Variants in TEX29 observed in about 807,000 individuals in gnomAD.
TEX29 encodes the protein testis-expressed protein 29.
TEX29 carries 26 observed loss-of-function variants against 18.2 expected under a neutral mutation model. The ratio of observed to expected loss-of-function variants is 1.43; its 90% CI spans 1.04 to 1.98. The LOEUF (loss-of-function observed/expected upper bound fraction) is 1.98. Among genes scored for constraint, TEX29 ranks in the 30% most tolerant of loss-of-function variants. The pLI, the probability that TEX29 is intolerant of heterozygous loss-of-function variation, is 0.00. For synonymous variants in TEX29, 83 were observed against 78.5 expected (o/e 1.06, Z -0.31); for missense variants, 177 against 194.2 (o/e 0.91, Z 0.53).
chr13:111,331,202 C>T (rs72655804), intron 3 of TEX29, among the ~76,000 whole-genome samples: 20,721 of 152,206 alleles, frequency 0.14, 1,826 homozygotes, highest in Middle Eastern at 0.23. Context: ...CACATTCTTG[C>T]CAACACTTGT....
intron 2 of TEX29, among the ~76,000 whole-genome samples, chr13:111,322,597 A>G (rs1335517812): frequency 6.6e-6 from 1 of 152,106 alleles, no homozygotes; most frequent in Non-Finnish European, 1.5e-5. Context: ...CACCCAAGGC[A>G]CTGCCCAAGC....
In TEX29 at chr13:111,344,130, C is replaced by T. The variant is rs112999083; in HGVS notation, c.*7C>T. On this transcript the variant is annotated 3_prime_UTR_variant, in exon 6 of 6. Transcript: ENST00000283547. Reference sequence around the variant, plus strand: ...CGAAGAAACTGAGGACTGACTGAGACGCATGAAGAAGTGGAGATTGTCAGA... The same window carrying T: ...CGAAGAAACTGAGGACTGACTGAGATGCATGAAGAAGTGGAGATTGTCAGA... The T allele has an allele frequency of 1.8e-4, 295 of 1,611,280 alleles. No individual in the cohort carries two copies. Among genetic ancestry groups the T allele is most frequent in the African/African-American group, 1.4e-3 (107 of 74,920 alleles).
intron 3 of TEX29, among the ~76,000 whole-genome samples, chr13:111,331,831 G>T (rs568644362): frequency 6.6e-6 from 1 of 152,238 alleles, no homozygotes; most frequent in South Asian, 2.1e-4. Flanking sequence ...CCCTGATTAA[G>T]TTGACACCCT....
chr13:111,339,823 TAC>T (rs1470834478), intron 3 of TEX29, 38 bp from the exon 4 acceptor site: 2 of 1,603,318 alleles, frequency 1.2e-6, no homozygotes, highest in East Asian at 4.5e-5. Context: ...CTTTTCTATT[TAC>T]CTGGATCGAA....
intron 2 of TEX29, among the ~76,000 whole-genome samples, chr13:111,326,908 C>A (rs1276530283): frequency 6.6e-6 from 1 of 152,166 alleles, no homozygotes; most frequent in Non-Finnish European, 1.5e-5. Flanking sequence ...GGGAGCAAAG[C>A]CCTCCTAGTC....
chr13:111,332,981 A>AT (rs1476219933), intron 3 of TEX29, among the ~76,000 whole-genome samples: 1 of 152,160 alleles, frequency 6.6e-6, no homozygotes, highest in Non-Finnish European at 1.5e-5. Flanking sequence ...TTACCCTTCA[A>AT]TTTTGAAGCA....
At chr13:111,319,111 C>T (rs1405289837), upstream of TEX29, among the ~76,000 whole-genome samples, 5 of 152,264 alleles carry the variant, frequency 3.3e-5, no homozygotes, top group South Asian at 2.1e-4. Context: ...TCCAAGGCCT[C>T]GCCTCCTAAT....
chr13:111,317,659 A>G (rs1423712097), upstream of TEX29, among the ~76,000 whole-genome samples: 1 of 152,238 alleles, frequency 6.6e-6, no homozygotes, highest in Non-Finnish European at 1.5e-5. Context: ...GGCTGCTTTC[A>G]CACAGCAGCA....
chr13:111,327,866 A>G (rs2093676574), intron 2 of TEX29, among the ~76,000 whole-genome samples: 2 of 152,222 alleles, frequency 1.3e-5, no homozygotes, highest in South Asian at 4.1e-4. Context: ...CCAAGCAGCC[A>G]TTGTGTGAGC....
At chr13:111,335,389 A>T (rs1291532778) in intron 3 of TEX29, among the ~76,000 whole-genome samples, 1 of 152,206 alleles carries the variant, frequency 6.6e-6, no homozygotes. Context: ...ACGGCCTCTC[A>T]TATGGCTTCA....
chr13:111,341,819 C>A (rs2093696914), intron 4 of TEX29, among the ~76,000 whole-genome samples: 2 of 152,258 alleles, frequency 1.3e-5, no homozygotes, highest in Admixed American at 1.3e-4. Flanking sequence ...TCTGCTCAGC[C>A]TTTTCAGCCC....
At chr13:111,324,884 G>T (rs774223760) in intron 2 of TEX29, among the ~76,000 whole-genome samples, 5 of 152,170 alleles carry the variant, frequency 3.3e-5, no homozygotes, top group African/African-American at 1.2e-4. Context: ...ATAACGGAAC[G>T]TTTACCACCG....
intron 3 of TEX29, chr13:111,339,293 G>C: frequency 2.2e-6 from 1 of 454,948 alleles, no homozygotes; most frequent in Non-Finnish European, 4.4e-6. Context: ...CTTGTATTCA[G>C]TTTAGGGGAG....
At chr13:111,336,344 C>G (rs1361714255) in intron 3 of TEX29, among the ~76,000 whole-genome samples, 1 of 152,206 alleles carries the variant, frequency 6.6e-6, no homozygotes, top group East Asian at 1.9e-4. Flanking sequence ...ACGAATGAAC[C>G]TTTGTGCTGT....
chr13:111,337,640 A>G (rs1353735361), intron 3 of TEX29, among the ~76,000 whole-genome samples: 1 of 151,850 alleles, frequency 6.6e-6, no homozygotes. Flanking sequence ...GCCATCCTGG[A>G]AGCTGGTTAT....
Position 111,320,881 on chromosome 13 carries a change from A to AAG in TEX29, c.-10_-9insAG. 1.2e-6 allele frequency: 2 copies of AAG among 1,608,142 alleles called. No homozygotes were observed. The highest frequency in any genetic ancestry group is 1.7e-6 in the Non-Finnish European group (2 of 1,176,702). On this transcript the variant is annotated 5_prime_UTR_variant, in exon 2 of 6. Transcript: ENST00000283547. ...GGTGTGCTCGGCCCCTTCATCTGTC[A>AAG]GCTGCAGCAATGGAATACGTGCTGG...
At chr13:111,320,249 A>G (rs543670813), upstream of TEX29, among the ~76,000 whole-genome samples, 379 of 151,822 alleles carry the variant, frequency 2.5e-3, 1 homozygote, top group South Asian at 7.3e-3. Context: ...CAGCTACGTC[A>G]CTCTGTCCTC....
chr13:111,333,055 C>T (rs535345046), intron 3 of TEX29, among the ~76,000 whole-genome samples: 1 of 152,282 alleles, frequency 6.6e-6, no homozygotes, highest in Admixed American at 6.5e-5. Context: ...AATGTTTTAT[C>T]TCATTGCCTT....
At chr13:111,317,059 C>T (rs2093655734), upstream of TEX29, among the ~76,000 whole-genome samples, 2 of 152,266 alleles carry the variant, frequency 1.3e-5, no homozygotes, top group Admixed American at 1.3e-4. Flanking sequence ...GTGGGGATTA[C>T]AATTCGAGAT....
Sources: gnomAD v4.1 joint callset for allele counts (sites outside exome capture counted in the v4.1 genomes callset) on GRCh38, gnomAD v4.1.1 for gene constraint, MANE v1.5 for transcripts, NCBI Gene and HGNC (gene_info 2026-07-23, HGNC 2026-07-21) for gene names.